LAMB4: variants seen among roughly 807,000 people sequenced by gnomAD.
The protein encoded by LAMB4 is laminin subunit beta 4.
In LAMB4, 196 loss-of-function variants were observed where a neutral mutation model predicts 199.2. The ratio of observed to expected loss-of-function variants is 0.98; its 90% CI spans 0.88 to 1.11. The LOEUF (loss-of-function observed/expected upper bound fraction) is 1.11, where lower values mean the gene tolerates loss of function less well. Among genes scored for constraint, LAMB4 ranks in the 50% least tolerant of loss-of-function variants. LAMB4 has a pLI of 0.00. For missense variants in LAMB4, 2,080 were observed against 2,171.2 expected, an observed-to-expected ratio of 0.96 and a Z score of 0.83; for synonymous variants, 744 against 770.6, an observed-to-expected ratio of 0.97 and a Z score of 0.57.
chr7:108,046,138 G>C (rs576324905), intron 28 of LAMB4, among the ~76,000 whole-genome samples: 1 of 151,924 alleles, frequency 6.6e-6, no homozygotes, highest in Non-Finnish European at 1.5e-5. Context: ...GCATGATCTC[G>C]GTTCACTGCA....
At chr7:108,116,720 TGTCTTCCA>T (rs1433620234) in intron 2 of LAMB4, among the ~76,000 whole-genome samples, 1 of 152,226 alleles carries the variant, frequency 6.6e-6, no homozygotes, top group Non-Finnish European at 1.5e-5. Context: ...TTTGTTTAAG[TGTCTTCCA>T]GTCTTAAAAA....
chr7:108,092,660 T>G (rs1416831234), intron 12 of LAMB4, among the ~76,000 whole-genome samples: 14 of 152,154 alleles, frequency 9.2e-5, no homozygotes, highest in Non-Finnish European at 1.5e-5. Flanking sequence ...AATCCCAGCA[T>G]TTTGGGAGGC....
At chr7:108,075,271 A>G (rs1169873839) in intron 17 of LAMB4, among the ~76,000 whole-genome samples, 2 of 152,220 alleles carry the variant, frequency 1.3e-5, no homozygotes, top group East Asian at 1.9e-4. Flanking sequence ...CTACTATAAT[A>G]TGGTAGAATC....
chr7:108,121,671 A>G (rs539193444), intron 2 of LAMB4, among the ~76,000 whole-genome samples: 4 of 151,710 alleles, frequency 2.6e-5, no homozygotes, highest in Non-Finnish European at 5.9e-5. Flanking sequence ...AATTGCTTGA[A>G]CCCAGGAGGT....
At chr7:108,042,893 G>T (rs1261449202) in intron 29 of LAMB4, among the ~76,000 whole-genome samples, 2 of 150,532 alleles carry the variant, frequency 1.3e-5, no homozygotes, top group East Asian at 3.9e-4. Context: ...AATGGTTATG[G>T]AAAATAAAGC....
intron 29 of LAMB4, among the ~76,000 whole-genome samples, chr7:108,043,545 G>GTTTTTTTTTTTTTTTTTTTTTTTTTT (rs748169558): frequency 1.8e-5 from 1 of 55,996 alleles, no homozygotes; most frequent in Admixed American, 1.9e-4. Flanking sequence ...TGGCTATGAT[G>GTTTTTTTTTTTTTTTTTTTTTTTTTT]TTTTTTTTTT....
chr7:108,035,855 CTTTTTT>C (rs555719511), intron 30 of LAMB4, among the ~76,000 whole-genome samples: 1 of 140,990 alleles, frequency 7.1e-6, no homozygotes, highest in East Asian at 2.0e-4. Flanking sequence ...CTTTTATCAA[CTTTTTT>C]TTTTTTTTTT....
the LAMB4 span, among the ~76,000 whole-genome samples, chr7:108,014,332 G>C: frequency 6.6e-6 from 1 of 152,180 alleles, no homozygotes. Flanking sequence ...TTTGAGTTGA[G>C]TAGGAAGTGT....
chr7:108,033,811 T>C (rs1272160881), intron 31 of LAMB4, among the ~76,000 whole-genome samples: 1 of 151,296 alleles, frequency 6.6e-6, no homozygotes, highest in Non-Finnish European at 1.5e-5. Context: ...ATAAGAATGT[T>C]ACAATAGTTA....
chr7:108,047,435 G>A (rs888722227), intron 28 of LAMB4, among the ~76,000 whole-genome samples: 6 of 152,008 alleles, frequency 3.9e-5, no homozygotes, highest in East Asian at 1.9e-4. Flanking sequence ...TCAATGAATA[G>A]TAAGTATATT....
chr7:108,116,482 A>G (rs1278704186), intron 2 of LAMB4, among the ~76,000 whole-genome samples: 6 of 152,216 alleles, frequency 3.9e-5, no homozygotes. Context: ...AGAATAATAC[A>G]CTTGAAAGAT....
chr7:108,097,369 T>C (rs935402918), intron 11 of LAMB4, among the ~76,000 whole-genome samples: 2 of 152,232 alleles, frequency 1.3e-5, no homozygotes, highest in African/African-American at 4.8e-5. Flanking sequence ...AGAAAACTGC[T>C]GAGGTGTTTT....
chr7:108,064,800 C>T (rs2036279021), intron 21 of LAMB4, among the ~76,000 whole-genome samples: 1 of 152,030 alleles, frequency 6.6e-6, no homozygotes, highest in South Asian at 2.1e-4. Context: ...TTAGTATTGC[C>T]ATAAGTTCTA....
intron 1 of LAMB4, among the ~76,000 whole-genome samples, chr7:108,124,875 T>C (rs947985114): frequency 5.9e-5 from 9 of 152,198 alleles, no homozygotes; most frequent in Non-Finnish European, 1.0e-4. Flanking sequence ...TTTCTGAACC[T>C]TCTTTGCACG....
At chr7:108,036,418 C>G (rs183484446) in intron 30 of LAMB4, among the ~76,000 whole-genome samples, 102 of 152,222 alleles carry the variant, frequency 6.7e-4, no homozygotes, top group South Asian at 4.8e-3. Flanking sequence ...GAATTCCTGA[C>G]CGCAGGTGAT....
intron 32 of LAMB4, among the ~76,000 whole-genome samples, chr7:108,029,761 T>G (rs2034964905): frequency 6.6e-6 from 1 of 152,036 alleles, no homozygotes; most frequent in Non-Finnish European, 1.5e-5. Context: ...ACCTAGAAGG[T>G]TAAGTAGATG....
At position 108,043,744 on chromosome 7, in the gene LAMB4, T is replaced by A. The variant is rs1298497010; in HGVS notation, c.4471+8A>T. The A allele has an allele frequency of 4.6e-6, 7 of 1,533,486 alleles. No individual in the cohort carries two copies. Among genetic ancestry groups the A allele is most frequent in the Non-Finnish European group, 6.2e-6 (7 of 1,122,254 alleles). 95.0% of individuals were successfully genotyped at this position (1,533,486 alleles called of 1,614,324 possible). On this transcript the variant is annotated splice_region_variant and intron_variant, in intron 29 of 33. Transcript: ENST00000388781. ...AAAAACTAGTCCTAATATATATTTTTAAATTACCTAACAAAAAGTTTTTCA... is the reference window on the plus strand; with the variant it reads ...AAAAACTAGTCCTAATATATATTTTAAAATTACCTAACAAAAAGTTTTTCA...
chr7:108,064,557 T>C (rs1472378600), intron 21 of LAMB4, among the ~76,000 whole-genome samples: 1 of 152,152 alleles, frequency 6.6e-6, no homozygotes, highest in Non-Finnish European at 1.5e-5. Context: ...ATGAGATGAC[T>C]GCGGCTTTTT....
rs1287499571 is a variant in LAMB4 at position 108,029,263 on chromosome 7, T to C, written c.4993-67A>G. ...AGCATGTACATATATGCATGATGAT[T>C]CTCCTAATTCCATTCATAGAAGGAA... On this transcript the variant is annotated intron_variant, in intron 32 of 33. Transcript: ENST00000388781. The C allele has an allele frequency of 2.2e-6, 3 of 1,369,962 alleles. No homozygotes were observed. The African/African-American group carries it at 4.4e-5, about 20-fold the overall frequency. 84.9% of individuals were successfully genotyped at this position (1,369,962 alleles called of 1,614,324 possible). A position where few individuals can be genotyped will look rare whatever the true frequency, so the allele number is the denominator to read the frequency against.
Sources: gnomAD v4.1 joint callset for allele counts (sites outside exome capture counted in the v4.1 genomes callset) on GRCh38, gnomAD v4.1.1 for gene constraint, MANE v1.5 for transcripts, NCBI Gene and HGNC (gene_info 2026-07-23, HGNC 2026-07-21) for gene names.